Variants in CRYL1 observed in about 807,000 individuals in gnomAD.
The protein encoded by CRYL1 is lambda-crystallin homolog.
A neutral mutation model predicts 36.6 loss-of-function variants in CRYL1; 29 were observed. The ratio of observed to expected loss-of-function variants is 0.79; its 90% CI spans 0.59 to 1.08. The LOEUF (loss-of-function observed/expected upper bound fraction) is 1.08. Ranked by LOEUF, CRYL1 falls within the 50% of genes least tolerant of loss-of-function variation. CRYL1 has a pLI of 0.00. For missense variants in CRYL1, 411 were observed against 407.9 expected (o/e 1.01, Z -0.06); for synonymous variants, 152 against 151.5 (o/e 1.00, Z -0.02).
intron 6 of CRYL1, among the ~76,000 whole-genome samples, chr13:20,408,426 A>G (rs2031434631): frequency 6.6e-6 from 1 of 152,186 alleles, no homozygotes; most frequent in Admixed American, 6.5e-5. Context: ...CCAGATTCTG[A>G]GATGTCCTCA....
At chr13:20,434,385 G>C (rs1373354734) in intron 4 of CRYL1, among the ~76,000 whole-genome samples, 1 of 151,692 alleles carries the variant, frequency 6.6e-6, no homozygotes. Context: ...CACATCAATC[G>C]GGGCTCTGTA....
At chr13:20,506,470 T>C (rs143077085) in intron 2 of CRYL1, among the ~76,000 whole-genome samples, 240 of 152,186 alleles carry the variant, frequency 1.6e-3, no homozygotes, top group African/African-American at 5.0e-3. Context: ...GCACCAATGA[T>C]ATTAAGAAAT....
intron 2 of CRYL1, among the ~76,000 whole-genome samples, chr13:20,507,245 A>T (rs1209857579): frequency 6.6e-6 from 1 of 152,222 alleles, no homozygotes; most frequent in African/African-American, 2.4e-5. Flanking sequence ...GGAAAATTTT[A>T]AAATAACATT....
rs188882009 is a variant in CRYL1 at position 20,490,467 on chromosome 13, G to A, written c.150-971C>T. On this transcript the variant is annotated intron_variant, in intron 2 of 7. Coordinates refer to ENST00000298248, the MANE Select transcript of CRYL1 (RefSeq NM_015974.3). Reference sequence around the variant, plus strand: ...TGGAGGTTGAGGAATGGGGAGTTAAGGTTTAATGGGTCCAGAGTTTCAATT... The same window carrying A: ...TGGAGGTTGAGGAATGGGGAGTTAAAGTTTAATGGGTCCAGAGTTTCAATT... Among the ~76,000 whole-genome samples the A allele has an allele frequency of 1.2e-3, 182 of 152,202 alleles. 1 individual carries two copies. Among genetic ancestry groups the A allele is most frequent in the African/African-American group, 4.2e-3 (174 of 41,530 alleles).
At chr13:20,442,364 G>A (rs1158251688) in intron 3 of CRYL1, among the ~76,000 whole-genome samples, 1 of 152,200 alleles carries the variant, frequency 6.6e-6, no homozygotes, top group Non-Finnish European at 1.5e-5. Flanking sequence ...TGGATGTGCT[G>A]GGCTGGGGTT....
chr13:20,506,101 A>G (rs923496508), intron 2 of CRYL1, among the ~76,000 whole-genome samples: 18 of 152,358 alleles, frequency 1.2e-4, no homozygotes, highest in African/African-American at 4.3e-4. Context: ...CTCAAGACTA[A>G]GAATCCAGTA....
At chr13:20,517,857 A>T (rs1320086275) in intron 1 of CRYL1, among the ~76,000 whole-genome samples, 1 of 142,024 alleles carries the variant, frequency 7.0e-6, no homozygotes, top group East Asian at 2.2e-4. Flanking sequence ...AATGGCGTGA[A>T]CCCGGGAGGC....
At chr13:20,413,174 T>C (rs2031567359) in intron 6 of CRYL1, 108 bp downstream of exon 6, 8 of 703,338 alleles carry the variant, frequency 1.1e-5, no homozygotes, top group Non-Finnish European at 2.0e-5. Context: ...CATCATCTCC[T>C]ATATACTGTC....
chr13:20,470,942 A>G (rs75004949), intron 3 of CRYL1, among the ~76,000 whole-genome samples: 250 of 148,420 alleles, frequency 1.7e-3, no homozygotes, highest in African/African-American at 6.0e-3. Flanking sequence ...AAAAAAACCC[A>G]TGACACACAT....
chr13:20,466,874 GATAA>G (rs1401731229), intron 3 of CRYL1, among the ~76,000 whole-genome samples: 2 of 152,050 alleles, frequency 1.3e-5, no homozygotes, highest in East Asian at 3.8e-4. Context: ...CAGGGAAACA[GATAA>G]ATAAATTGTT....
At chr13:20,461,702 G>A (rs2032822139) in intron 3 of CRYL1, among the ~76,000 whole-genome samples, 1 of 152,000 alleles carries the variant, frequency 6.6e-6, no homozygotes, top group South Asian at 2.1e-4. Flanking sequence ...CTTGGGGGTG[G>A]GAGAAAACCT....
chr13:20,419,580 C>T (rs1046441089), intron 5 of CRYL1, among the ~76,000 whole-genome samples: 1 of 152,238 alleles, frequency 6.6e-6, no homozygotes, highest in Non-Finnish European at 1.5e-5. Context: ...GTGTGAGCCA[C>T]CACATCTGGA....
intron 3 of CRYL1, among the ~76,000 whole-genome samples, chr13:20,482,761 G>A (rs1007541024): frequency 6.6e-6 from 1 of 152,138 alleles, no homozygotes; most frequent in Non-Finnish European, 1.5e-5. Context: ...GTGTGTGCGC[G>A]CGTGTGTGTG....
chr13:20,493,120 C>T (rs1421223563), intron 2 of CRYL1, among the ~76,000 whole-genome samples: 1 of 152,214 alleles, frequency 6.6e-6, no homozygotes, highest in Non-Finnish European at 1.5e-5. Flanking sequence ...ACAATCGAAG[C>T]TCTAGATTAG....
chr13:20,439,518 A>AAAAAAAAAAG, intron 4 of CRYL1, 75 bp downstream of exon 4: 2 of 722,142 alleles, frequency 2.8e-6, no homozygotes, highest in East Asian at 4.7e-5. Flanking sequence ...CCCCCGCAAA[A>AAAAAAAAAAG]AAAAAAAAAA....
At chr13:20,423,354 A>T (rs754132377) in intron 5 of CRYL1, among the ~76,000 whole-genome samples, 4 of 152,216 alleles carry the variant, frequency 2.6e-5, no homozygotes, top group Admixed American at 6.5e-5. Flanking sequence ...TAATCTTAGA[A>T]GAAAAGCCTT....
chr13:20,479,379 A>C (rs2033229931), intron 3 of CRYL1, among the ~76,000 whole-genome samples: 1 of 152,206 alleles, frequency 6.6e-6, no homozygotes, highest in Non-Finnish European at 1.5e-5. Context: ...AGGGGCTTAC[A>C]TCTAGTAATT....
intron 3 of CRYL1, among the ~76,000 whole-genome samples, chr13:20,483,814 C>T (rs923116046): frequency 6.6e-6 from 1 of 151,594 alleles, no homozygotes; most frequent in Admixed American, 6.6e-5. Flanking sequence ...GTTCTGGGAT[C>T]GCAGGCATGA....
chr13:20,411,293 A>G (rs1489332587), intron 6 of CRYL1, among the ~76,000 whole-genome samples: 2 of 152,170 alleles, frequency 1.3e-5, no homozygotes, highest in South Asian at 2.1e-4. Flanking sequence ...TATGAAGCCA[A>G]TTAGGTTTTC....
Sources: gnomAD v4.1 joint callset for allele counts (sites outside exome capture counted in the v4.1 genomes callset) on GRCh38, gnomAD v4.1.1 for gene constraint, MANE v1.5 for transcripts, NCBI Gene and HGNC (gene_info 2026-07-23, HGNC 2026-07-21) for gene names.